Variants in MAP4K3 observed in about 807,000 individuals in gnomAD.
The protein encoded by MAP4K3 is mitogen-activated protein kinase kinase kinase kinase 3.
MAP4K3 carries 94 observed loss-of-function variants against 143.5 expected under a neutral mutation model. That is an observed-to-expected ratio of 0.65 (90% confidence interval 0.55 to 0.78). The LOEUF (loss-of-function observed/expected upper bound fraction) is 0.78. MAP4K3 is among the 30% of genes least tolerant of loss of function. The probability of loss-of-function intolerance (pLI) is 0.00; values close to 1 mark genes in which losing one functional copy is unlikely to be tolerated. For missense variants in MAP4K3, 1,077 were observed against 1,068.1 expected (o/e 1.01, Z -0.12); for synonymous variants, 416 against 347.2 (o/e 1.20, Z -2.20).
chr2:39,257,518 A>G (rs1442998915), intron 31 of MAP4K3, among the ~76,000 whole-genome samples: 1 of 152,182 alleles, frequency 6.6e-6, no homozygotes, highest in African/African-American at 2.4e-5. Context: ...TATTATTTCA[A>G]GGCCAGGCGC....
chr2:39,337,677 C>T (rs1364980683), intron 4 of MAP4K3, 96 bp from the exon 5 acceptor site: 2 of 719,660 alleles, frequency 2.8e-6, no homozygotes, highest in African/African-American at 3.6e-5. Context: ...GACTTAATAT[C>T]CCTAAACAAT....
rs1241621877 is a variant in MAP4K3, at chr2:39,278,398, A to G, written c.1794+9T>C. 3.3e-6 allele frequency: 5 copies of G among 1,517,530 alleles called. No individual in the cohort carries two copies. The highest frequency in any genetic ancestry group is 4.5e-6 in the Non-Finnish European group (5 of 1,117,288). 94.0% of individuals were successfully genotyped at this position (1,517,530 alleles called of 1,614,324 possible). A position where few individuals can be genotyped will look rare whatever the true frequency, so the allele number is the denominator to read the frequency against. The stretch of plus-strand genomic sequence containing the variant: ...ATTAAAAAAAAAAAGAATATACAAA[A>G]TAACATACCTGTTCCATTGATGTTT... On this transcript the variant is annotated intron_variant, in intron 24 of 33. Coordinates refer to ENST00000263881, the MANE Select transcript of MAP4K3 (RefSeq NM_003618.4).
chr2:39,292,709 C>G (rs1682098601), intron 18 of MAP4K3, 64 bp downstream of exon 18: 3 of 1,286,642 alleles, frequency 2.3e-6, no homozygotes, highest in Admixed American at 3.4e-5. Context: ...ATTAAGCTGC[C>G]AGATTGATGA....
chr2:39,306,509 T>C (rs934905246), intron 15 of MAP4K3, among the ~76,000 whole-genome samples: 19 of 152,348 alleles, frequency 1.2e-4, no homozygotes, highest in Non-Finnish European at 2.1e-4. Flanking sequence ...ATGTTAAACA[T>C]AGGCATCATC....
intron 1 of MAP4K3, among the ~76,000 whole-genome samples, chr2:39,388,854 T>A (rs908325381): frequency 6.6e-6 from 1 of 152,144 alleles, no homozygotes; most frequent in Non-Finnish European, 1.5e-5. Context: ...TATCTGTAGA[T>A]AAACACATCT....
chr2:39,280,424 C>T, intron 22 of MAP4K3, 68 bp from the exon 23 acceptor site: 2 of 836,524 alleles, frequency 2.4e-6, no homozygotes, highest in Non-Finnish European at 3.8e-6. Context: ...TAAAATGTAA[C>T]TATTATCTAT....
intron 3 of MAP4K3, among the ~76,000 whole-genome samples, chr2:39,348,132 C>T (rs1665349851): frequency 6.6e-6 from 1 of 151,986 alleles, no homozygotes; most frequent in South Asian, 2.1e-4. Context: ...TGTTTCAATT[C>T]CATCTTAATA....
intron 1 of MAP4K3, among the ~76,000 whole-genome samples, chr2:39,387,583 CTA>C (rs558557090): frequency 2.4e-4 from 37 of 152,282 alleles, no homozygotes; most frequent in Non-Finnish European, 4.4e-4. Context: ...TGAAACCATG[CTA>C]TGTGCCAGTG....
chr2:39,396,622 C>T (rs939419488), intron 1 of MAP4K3, among the ~76,000 whole-genome samples: 1 of 151,782 alleles, frequency 6.6e-6, no homozygotes, highest in Non-Finnish European at 1.5e-5. Flanking sequence ...TACAGGCGCC[C>T]GCCACTACGC....
chr2:39,337,024 GA>G, intron 5 of MAP4K3, 57 bp from the exon 6 acceptor site: 1 of 856,060 alleles, frequency 1.2e-6, no homozygotes, highest in Non-Finnish European at 1.9e-6. Flanking sequence ...CACTCTTTTG[GA>G]TTTTATGTAA....
At chr2:39,267,340 T>A in intron 26 of MAP4K3, 93 bp from the exon 27 acceptor site, 2 of 914,062 alleles carry the variant, frequency 2.2e-6, no homozygotes, top group Non-Finnish European at 1.8e-6. Flanking sequence ...AAGGATGAGT[T>A]CAAAACTGGT....
chr2:39,380,104 G>A (rs1195925510), intron 1 of MAP4K3, among the ~76,000 whole-genome samples: 2 of 151,830 alleles, frequency 1.3e-5, no homozygotes, highest in Non-Finnish European at 2.9e-5. Flanking sequence ...TTAAATTACA[G>A]TTTTTTAGGG....
chr2:39,384,982 T>C (rs1381520562), intron 1 of MAP4K3, among the ~76,000 whole-genome samples: 2 of 152,260 alleles, frequency 1.3e-5, no homozygotes, highest in Non-Finnish European at 2.9e-5. Flanking sequence ...GAATGCCATA[T>C]AAATTCATTC....
At chr2:39,261,810 T>C (rs1246350053) in intron 28 of MAP4K3, among the ~76,000 whole-genome samples, 1 of 152,116 alleles carries the variant, frequency 6.6e-6, no homozygotes, top group Non-Finnish European at 1.5e-5. Context: ...CAAATGAACA[T>C]ATACTTTATA....
chr2:39,299,780 G>C lies in MAP4K3; in HGVS notation c.1141C>G (p.Gln381Glu). The change falls in exon 16 of 34, where the codon CAA (glutamine) becomes GAA (glutamate). Residue 381 changes from glutamine (Q) to glutamate (E), a missense_variant. By Grantham distance (29) the Gln-to-Glu change is conservative. Coordinates refer to ENST00000263881, the MANE Select transcript of MAP4K3 (RefSeq NM_003618.4). ...AAAAAGTAACCACCTTGGTGTCCTT[G>C]TCCATATTCCAGTTGCAGATCCTAA... ...SNLDLQLEYG[Q>E]GHQGGYFLGA... The C allele has an allele frequency of 6.3e-7, 1 of 1,575,516 alleles. No individual in the cohort carries two copies. The highest frequency in any genetic ancestry group is 8.6e-7 in the Non-Finnish European group (1 of 1,162,364).
intron 12 of MAP4K3, chr2:39,323,670 A>T (rs981626890): frequency 2.0e-5 from 3 of 152,170 alleles, no homozygotes; most frequent in African/African-American, 7.2e-5. Flanking sequence ...TTAGAAAGCA[A>T]TATGACAATT....
chr2:39,262,562 T>TA (rs202195339), intron 28 of MAP4K3, among the ~76,000 whole-genome samples: 1 of 151,340 alleles, frequency 6.6e-6, no homozygotes. Flanking sequence ...AACAACGCTT[T>TA]AAAAAAAAAC....
chr2:39,383,593 T>G (rs1666408368), intron 1 of MAP4K3, among the ~76,000 whole-genome samples: 1 of 151,998 alleles, frequency 6.6e-6, no homozygotes, highest in Non-Finnish European at 1.5e-5. Flanking sequence ...AGAGTACTCC[T>G]GGTTATGCCT....
chr2:39,356,198 ATTAGG>A, intron 3 of MAP4K3, 46 bp downstream of exon 3: 1 of 1,042,768 alleles, frequency 9.6e-7, no homozygotes, highest in Non-Finnish European at 1.5e-6. Flanking sequence ...TGTTTAATGC[ATTAGG>A]TGATGAAATC....
Sources: gnomAD v4.1 joint callset for allele counts (sites outside exome capture counted in the v4.1 genomes callset) on GRCh38, gnomAD v4.1.1 for gene constraint, MANE v1.5 for transcripts, NCBI Gene and HGNC (gene_info 2026-07-23, HGNC 2026-07-21) for gene names.